The following STAU2 variants were observed in gnomAD, a reference collection of about 807,000 sequenced individuals.
STAU2 encodes the protein double-stranded RNA-binding protein Staufen homolog 2.
A neutral mutation model predicts 65.9 loss-of-function variants in STAU2; 20 were observed. The ratio of observed to expected loss-of-function variants is 0.30; its 90% confidence interval spans 0.21 to 0.44. STAU2 has a LOEUF of 0.44. STAU2 is among the 20% of genes least tolerant of loss of function. The pLI, the probability that STAU2 is intolerant of heterozygous loss-of-function variation, is 1.00. For missense variants in STAU2, 558 were observed against 683.9 expected, an observed-to-expected ratio of 0.82 and a Z score of 2.05; for synonymous variants, 232 against 233.9, an observed-to-expected ratio of 0.99 and a Z score of 0.07.
chr8:73,696,377 C>T (rs1160804419), intron 4 of STAU2, among the ~76,000 whole-genome samples: 1 of 152,150 alleles, frequency 6.6e-6, no homozygotes, highest in Non-Finnish European at 1.5e-5. Flanking sequence ...ATGACCTAAC[C>T]AAATGAACTA....
chr8:73,728,392 T>A (rs1805801019), intron 3 of STAU2, among the ~76,000 whole-genome samples: 1 of 150,960 alleles, frequency 6.6e-6, no homozygotes, highest in South Asian at 2.1e-4. Context: ...TCTTCCTTTT[T>A]CAAGATGGTT....
intron 13 of STAU2, among the ~76,000 whole-genome samples, chr8:73,455,688 A>G (rs1819025096): frequency 6.6e-6 from 1 of 152,144 alleles, no homozygotes; most frequent in Admixed American, 6.5e-5. Context: ...TTCCTCCCCT[A>G]AAGTGCTCTC....
At chr8:73,602,459 A>G (rs1326632381) in intron 10 of STAU2, among the ~76,000 whole-genome samples, 1 of 152,232 alleles carries the variant, frequency 6.6e-6, no homozygotes, top group Non-Finnish European at 1.5e-5. Flanking sequence ...CTGTAATCCT[A>G]ACACTTTGAG....
chr8:73,551,877 T>C, intron 13 of STAU2, 135 bp downstream of exon 13: 1 of 1,339,412 alleles, frequency 7.5e-7, no homozygotes, highest in Non-Finnish European at 9.6e-7. Flanking sequence ...CTGTCCTTTG[T>C]GTTCCTAAAT....
chr8:73,623,163 T>C (rs1438853340), intron 6 of STAU2, among the ~76,000 whole-genome samples: 2 of 152,216 alleles, frequency 1.3e-5, no homozygotes, highest in Non-Finnish European at 2.9e-5. Flanking sequence ...TGACTGTTAG[T>C]TGTAGCAACT....
Position 73,618,196 on chromosome 8 carries a change from T to C in STAU2, c.411-745A>G, listed in dbSNP as rs1357761702. Among the ~76,000 whole-genome samples the C allele has an allele frequency of 6.6e-5, 10 of 151,844 alleles. No homozygotes were observed. The East Asian group carries it at 1.9e-3, about 29-fold the overall frequency. ...TGACAATGAACAACAACACTTAGAG[T>C]GGGGAAGATAAACAATAAGAAAAAT... is the stretch of plus-strand genomic sequence containing the variant. On this transcript the variant is annotated intron_variant, in intron 6 of 14. Coordinates refer to ENST00000524300, the MANE Select transcript of STAU2 (RefSeq NM_001164380.2).
At chr8:73,551,721 C>A in intron 13 of STAU2, 1 of 1,058,448 alleles carries the variant, frequency 9.4e-7, no homozygotes, top group Non-Finnish European at 1.1e-6. Flanking sequence ...ATAGATGCAC[C>A]TAATCAAGAC....
At chr8:73,634,441 T>C (rs1192931225) in intron 6 of STAU2, among the ~76,000 whole-genome samples, 1 of 151,996 alleles carries the variant, frequency 6.6e-6, no homozygotes, top group Non-Finnish European at 1.5e-5. Context: ...GGCAGGAGAA[T>C]CATTTGAACC....
chr8:73,734,451 C>T (rs1021908473), intron 3 of STAU2, among the ~76,000 whole-genome samples: 1 of 151,934 alleles, frequency 6.6e-6, no homozygotes, highest in Non-Finnish European at 1.5e-5. Context: ...ATTCAATAGC[C>T]TAGTTTTTAA....
chr8:73,555,603 TA>T (rs112903195), intron 12 of STAU2, among the ~76,000 whole-genome samples: 10,838 of 150,230 alleles, frequency 0.072, 1,021 homozygotes, highest in African/African-American at 0.22. Flanking sequence ...AATGCAACAA[TA>T]AAAAAAAATA....
chr8:73,547,767 T>G (rs2128940934), intron 13 of STAU2, among the ~76,000 whole-genome samples: 1 of 152,346 alleles, frequency 6.6e-6, no homozygotes, highest in East Asian at 1.9e-4. Flanking sequence ...ATTTGTTTAA[T>G]AGCCTACATG....
intron 9 of STAU2, among the ~76,000 whole-genome samples, chr8:73,605,840 CAT>C (rs1811970227): frequency 1.6e-4 from 11 of 70,356 alleles, no homozygotes; most frequent in East Asian, 4.5e-4. Context: ...CACACATACA[CAT>C]ACACACACAC....
rs545342238 is a variant in STAU2, at chr8:73,567,914, T to A, written c.1222+14856A>T. Among the ~76,000 whole-genome samples the A allele has an allele frequency of 3.9e-5, 6 of 152,204 alleles. No individual in the cohort carries two copies. In the East Asian group the frequency reaches 1.2e-3, roughly 29 times the overall value. ...TCTTAAATATGGACTCGTCTTTCAATAAGCAATTTCATCTTTAAAAACTAC... is the reference window on the plus strand; with the variant it reads ...TCTTAAATATGGACTCGTCTTTCAAAAAGCAATTTCATCTTTAAAAACTAC... On this transcript the variant is annotated intron_variant, in intron 12 of 14. Coordinates refer to ENST00000524300, the MANE Select transcript of STAU2 (RefSeq NM_001164380.2).
chr8:73,569,941 G>A lies in STAU2; in HGVS notation c.1222+12829C>T, dbSNP rs188124036. Among the ~76,000 whole-genome samples, 18 of 152,290 alleles carry A rather than the reference G, an allele frequency of 1.2e-4. No individual in the cohort carries two copies. In the East Asian group the frequency reaches 3.5e-3, roughly 29 times the overall value. On this transcript the variant is annotated intron_variant, in intron 12 of 14. Transcript: ENST00000524300. The stretch of plus-strand genomic sequence containing the variant: ...GGAATACAGCTCCTCGCCAGCAACG[G>A]AAAAAAGCTGGATGGAGAACGACTT...
chr8:73,605,963 T>C (rs1479193036), intron 9 of STAU2, among the ~76,000 whole-genome samples: 2 of 141,452 alleles, frequency 1.4e-5, no homozygotes, highest in African/African-American at 2.6e-5. Flanking sequence ...TTCAGTGGGG[T>C]AGTCTTTTCA....
intron 3 of STAU2, among the ~76,000 whole-genome samples, chr8:73,714,066 G>A (rs187713259): frequency 7.2e-5 from 11 of 152,192 alleles, no homozygotes; most frequent in Non-Finnish European, 1.6e-4. Context: ...ACCACGCCCA[G>A]CTAATTTTGT....
intron 4 of STAU2, among the ~76,000 whole-genome samples, chr8:73,693,492 A>AAAAAT: frequency 6.6e-6 from 1 of 151,690 alleles, no homozygotes; most frequent in African/African-American, 2.4e-5. Context: ...AAAAAAAAAA[A>AAAAAT]GTGTTGGAAG....
intron 13 of STAU2, among the ~76,000 whole-genome samples, chr8:73,424,578 A>T (rs143961614): frequency 1.1e-3 from 170 of 152,034 alleles, no homozygotes; most frequent in African/African-American, 3.7e-3. Context: ...GTCCCATCGC[A>T]TGGATGCACC....
At chr8:73,590,516 C>CTTAA (rs1810698310) in intron 11 of STAU2, 2 of 152,076 alleles carry the variant, frequency 1.3e-5, no homozygotes, top group African/African-American at 4.8e-5. Flanking sequence ...TCATTGGAGG[C>CTTAA]TTAAAAAAGA....
Sources: allele counts gnomAD v4.1 joint callset (sites outside exome capture counted in the v4.1 genomes callset), GRCh38; gene constraint gnomAD v4.1.1; transcripts MANE v1.5; gene names NCBI Gene and HGNC (gene_info 2026-07-23, HGNC 2026-07-21).